Variants in UCHL1 observed in about 807,000 individuals in gnomAD.
UCHL1 encodes ubiquitin carboxyl-terminal hydrolase isozyme L1.
UCHL1 carries 5 observed loss-of-function variants against 33.3 expected under a neutral mutation model. That is an observed-to-expected ratio of 0.15 (90% CI 0.08 to 0.32). The LOEUF (loss-of-function observed/expected upper bound fraction) is 0.32, where lower values mean the gene tolerates loss of function less well. Ranked by LOEUF, UCHL1 falls within the 10% of genes least tolerant of loss-of-function variation. The pLI is 1.00. For synonymous variants in UCHL1, 132 were observed against 108.8 expected, an observed-to-expected ratio of 1.21 and a Z score of -1.33; for missense variants, 236 against 280.0, an observed-to-expected ratio of 0.84 and a Z score of 1.12.
intron 8 of UCHL1, 98 bp from the exon 9 acceptor site, chr4:41,267,889 G>A (rs1580929112): frequency 1.9e-6 from 2 of 1,078,426 alleles, no homozygotes; most frequent in Non-Finnish European, 2.8e-6. Flanking sequence ...GTTGATGAGG[G>A]TGAACTTTGA....
At chr4:41,257,759 G>C (rs1353004755) in intron 3 of UCHL1, 22 bp downstream of exon 3, 1 of 1,556,630 alleles carries the variant, frequency 6.4e-7, no homozygotes, top group East Asian at 2.4e-5. Flanking sequence ...GGCCCAGGAT[G>C]CGCCGGCCGC....
intron 8 of UCHL1, 73 bp from the exon 9 acceptor site, chr4:41,267,914 T>G: frequency 2.1e-5 from 28 of 1,353,218 alleles, no homozygotes; most frequent in Non-Finnish European, 2.7e-5. Context: ...TAATAGACCT[T>G]GGAGCCTTTC....
At chr4:41,257,577 G>T in intron 2 of UCHL1, 32 bp from the exon 3 acceptor site, 2 of 1,490,360 alleles carry the variant, frequency 1.3e-6, no homozygotes, top group African/African-American at 2.9e-5. Context: ...GCGTGTCCCC[G>T]TGCGCCTGGC....
chr4:41,257,232 C>T, intron 2 of UCHL1, 106 bp downstream of exon 2: 1 of 1,568,126 alleles, frequency 6.4e-7, no homozygotes. Flanking sequence ...CCGCTGCGAG[C>T]ACCGGAGACG....
In UCHL1 at chr4:41,264,110, A is replaced by G; in HGVS notation, c.534A>G (p.Arg178=). Residue 178 remains arginine (R), a synonymous_variant, in exon 8 of 9, where the codon CGA becomes CGG. Transcript: ENST00000284440. ...CTGGCTTCTTTGTTACAGATGGACG[A>G]ATGCCTTTTCCGGTGAACCATGGCG... The part of the protein sequence containing the change: ...VDGHLYELDG[R]MPFPVNHGAS... 3 of 1,614,202 alleles carry G rather than the reference A, an allele frequency of 1.9e-6. No individual in the cohort carries two copies. Among genetic ancestry groups the G allele is most frequent in the Non-Finnish European group, 2.5e-6 (3 of 1,180,026 alleles).
chr4:41,266,859 G>C (rs1781162858), intron 8 of UCHL1, among the ~76,000 whole-genome samples: 1 of 152,166 alleles, frequency 6.6e-6, no homozygotes, highest in African/African-American at 2.4e-5. Context: ...CGCTGCCTCA[G>C]CTTCCCAAAG....
chr4:41,264,387 G>A (rs1781121828), intron 8 of UCHL1: 2 of 597,598 alleles, frequency 3.3e-6, no homozygotes, highest in African/African-American at 1.8e-5. Context: ...TTCATGTGTT[G>A]TCTTTAGTCC....
At chr4:41,266,895 G>A (rs1189647758) in intron 8 of UCHL1, among the ~76,000 whole-genome samples, 2 of 152,106 alleles carry the variant, frequency 1.3e-5, no homozygotes, top group Non-Finnish European at 2.9e-5. Context: ...CCTGAGCTGT[G>A]TCTGGCCCAA....
At chr4:41,257,372 A>C (rs1408847366) in intron 2 of UCHL1, 10 of 891,256 alleles carry the variant, frequency 1.1e-5, no homozygotes, top group African/African-American at 1.8e-5. Flanking sequence ...GGAGCTCCCG[A>C]GGGCGTGGCG....
At chr4:41,267,590 CTTTA>C (rs1781174838) in intron 8 of UCHL1, among the ~76,000 whole-genome samples, 2 of 152,316 alleles carry the variant, frequency 1.3e-5, no homozygotes, top group East Asian at 1.9e-4. Context: ...AGACAATTTT[CTTTA>C]TTCCAGGAAT....
intron 8 of UCHL1, among the ~76,000 whole-genome samples, chr4:41,266,334 G>T (rs146202222): frequency 6.6e-6 from 1 of 151,512 alleles, no homozygotes; most frequent in African/African-American, 2.4e-5. Context: ...CCTAAGTAAG[G>T]CTGGTTCTAT....
intron 3 of UCHL1, among the ~76,000 whole-genome samples, chr4:41,258,879 G>A (rs1781026434): frequency 1.3e-5 from 2 of 152,198 alleles, no homozygotes; most frequent in South Asian, 4.1e-4. Context: ...CCAAATTGTT[G>A]GAAGTCGAAT....
chr4:41,261,647 A>G, intron 4 of UCHL1, 68 bp from the exon 5 acceptor site: 3 of 1,543,816 alleles, frequency 1.9e-6, no homozygotes, highest in Non-Finnish European at 2.7e-6. Context: ...CAAAGGCTTA[A>G]GTCAACAATA....
chr4:41,256,931 T>A lies in UCHL1; in HGVS notation c.-46T>A. On this transcript the variant is annotated 5_prime_UTR_variant, in exon 1 of 9. Coordinates refer to ENST00000284440, the MANE Select transcript of UCHL1 (RefSeq NM_004181.5). ...CTGCAGCCTGGGCGGCTCCGCTAGC[T>A]GTTTTTCGTCTTCCCTAGGCTATTT... 1 of 1,613,928 alleles carries A rather than the reference T, an allele frequency of 6.2e-7. No homozygotes were observed. Among genetic ancestry groups the A allele is most frequent in the East Asian group, 2.2e-5 (1 of 44,874 alleles).
intron 8 of UCHL1, among the ~76,000 whole-genome samples, chr4:41,265,168 T>A (rs1781132163): frequency 6.6e-6 from 1 of 152,136 alleles, no homozygotes; most frequent in Non-Finnish European, 1.5e-5. Context: ...ATCTACGTCT[T>A]TTATAGAAAT....
At chr4:41,257,539 C>T (rs1231745800) in intron 2 of UCHL1, 70 bp from the exon 3 acceptor site, 3 of 1,417,608 alleles carry the variant, frequency 2.1e-6, no homozygotes, top group East Asian at 3.0e-5. Context: ...GCCTCCTGGC[C>T]CCGCCCCCTG....
chr4:41,260,882 A>T (rs539662348), intron 4 of UCHL1, 85 bp downstream of exon 4: 1 of 1,588,938 alleles, frequency 6.3e-7, no homozygotes, highest in East Asian at 2.2e-5. Context: ...GAGGTCAGAG[A>T]TGCTGTACCT....
chr4:41,257,594 GTC>G lies in UCHL1; in HGVS notation c.46-12_46-11del. Reference sequence around the variant, plus strand: ...GTGTCCCCGTGCGCCTGGCCGCCTTGTCTCCTCTCCGCAGGTGCTGTCCCGGC... The same window carrying G: ...GTGTCCCCGTGCGCCTGGCCGCCTTGTCCTCTCCGCAGGTGCTGTCCCGGC... On this transcript the variant is annotated splice_polypyrimidine_tract_variant and intron_variant, in intron 2 of 8. Coordinates refer to ENST00000284440, the MANE Select transcript of UCHL1 (RefSeq NM_004181.5). 6.6e-7 allele frequency: 1 copy of G among 1,512,120 alleles called. No homozygotes were observed. The highest frequency in any genetic ancestry group is 8.8e-7 in the Non-Finnish European group (1 of 1,137,634). The allele number at this position is 1,512,120 out of a possible 1,614,324, so 93.7% of individuals were successfully genotyped here.
chr4:41,263,083 A>G lies in UCHL1; in HGVS notation c.460-142A>G, dbSNP rs973058922. 5.6e-5 allele frequency: 39 copies of G among 701,146 alleles called. No individual in the cohort carries two copies. In the African/African-American group the frequency reaches 6.3e-4, roughly 11 times the overall value. The allele number at this position is 701,146 out of a possible 1,614,324, so 43.4% of individuals were successfully genotyped here. ...ATATTTACCTTAGTGGGCTTAGAAT[A>G]GGGCTTAATGTAAGACATACATTAA... On this transcript the variant is annotated intron_variant, in intron 6 of 8. Transcript: ENST00000284440.
Sources: allele counts gnomAD v4.1 joint callset (sites outside exome capture counted in the v4.1 genomes callset), GRCh38; gene constraint gnomAD v4.1.1; transcripts MANE v1.5; gene names NCBI Gene and HGNC (gene_info 2026-07-23, HGNC 2026-07-21).